CFAP52: variants seen among roughly 807,000 people sequenced by gnomAD.
The protein encoded by CFAP52 is cilia- and flagella-associated protein 52.
In CFAP52, 57 loss-of-function variants were observed where a neutral mutation model predicts 70.5. The ratio of observed to expected loss-of-function variants is 0.81; its 90% CI spans 0.65 to 1.01. The LOEUF (loss-of-function observed/expected upper bound fraction) is 1.01, where lower values mean the gene tolerates loss of function less well. Ranked by LOEUF, CFAP52 falls within the 50% of genes least tolerant of loss-of-function variation. The pLI, the probability that CFAP52 is intolerant of heterozygous loss-of-function variation, is 0.00. For synonymous variants in CFAP52, 267 were observed against 292.5 expected, an observed-to-expected ratio of 0.91 and a Z score of 0.89; for missense variants, 785 against 788.5, an observed-to-expected ratio of 1.00 and a Z score of 0.05.
rs187885192 is a variant in CFAP52 at position 9,625,181 on chromosome 17, A to G, written c.1026-3491A>G. Among the ~76,000 whole-genome samples, 38 of 151,960 alleles carry G rather than the reference A, an allele frequency of 2.5e-4. No homozygotes were observed. The East Asian group carries it at 6.9e-3, about 28-fold the overall frequency. ...ACCCCATGTAGCTGTCTTTAGCAGT[A>G]GAATCCTTAAAAAAAATCAATTAAA... On this transcript the variant is annotated intron_variant, in intron 8 of 13. Coordinates refer to ENST00000352665, the MANE Select transcript of CFAP52 (RefSeq NM_145054.5).
chr17:9,624,246 G>A (rs1432733482), intron 8 of CFAP52, among the ~76,000 whole-genome samples: 5 of 151,982 alleles, frequency 3.3e-5, no homozygotes, highest in South Asian at 2.1e-4. Flanking sequence ...TTCAGCCCTT[G>A]TTCCTTAAGA....
At chr17:9,644,563 T>G (rs1461693971), downstream of CFAP52, 1 of 131,576 alleles carries the variant, frequency 7.6e-6, no homozygotes, top group African/African-American at 3.0e-5. Flanking sequence ...ATTATAAACC[T>G]GACAGTTGCA....
At chr17:9,634,884 A>C (rs1280539173) in intron 10 of CFAP52, among the ~76,000 whole-genome samples, 1 of 152,146 alleles carries the variant, frequency 6.6e-6, no homozygotes, top group Non-Finnish European at 1.5e-5. Context: ...TATGAATTTC[A>C]CTCCAGGATA....
intron 12 of CFAP52, chr17:9,639,235 G>C (rs1350122436): frequency 6.5e-6 from 1 of 152,704 alleles, no homozygotes; most frequent in Non-Finnish European, 1.5e-5. Context: ...TTCGAGACCA[G>C]CCTAGCCAAC....
Position 9,631,052 on chromosome 17 carries a change from GAGAA to G in CFAP52, c.1175-1808_1175-1805del, listed in dbSNP as rs1555544295. Among the ~76,000 whole-genome samples, 54 of 37,956 alleles carry G rather than the reference GAGAA, an allele frequency of 1.4e-3. 3 individuals carry two copies. In the South Asian group the frequency reaches 0.036, roughly 25 times the overall value. The allele number at this position is 37,956 out of a possible 152,430, so 24.9% of individuals were successfully genotyped here. ...AAAGAGAGAGAGAGAGAGAGAGAGA[GAGAA>G]AGAAAGAAAGAAAGAAAGAAAGAAA... On this transcript the variant is annotated intron_variant, in intron 9 of 13. Coordinates refer to ENST00000352665, the MANE Select transcript of CFAP52 (RefSeq NM_145054.5).
At chr17:9,581,042 C>T (rs1050128226) in intron 1 of CFAP52, among the ~76,000 whole-genome samples, 4 of 152,084 alleles carry the variant, frequency 2.6e-5, no homozygotes, top group Admixed American at 6.5e-5. Context: ...CGTGGCCAGG[C>T]GTGGTGGCTC....
chr17:9,595,039 C>T (rs1004520219), intron 4 of CFAP52, among the ~76,000 whole-genome samples: 11 of 151,808 alleles, frequency 7.2e-5, no homozygotes, highest in African/African-American at 2.4e-4. Context: ...TACAGGTGCC[C>T]GCCAACACAC....
At chr17:9,603,444 C>T (rs1383770099) in intron 6 of CFAP52, among the ~76,000 whole-genome samples, 5 of 152,126 alleles carry the variant, frequency 3.3e-5, no homozygotes, top group African/African-American at 9.7e-5. Context: ...CTCCTGACCC[C>T]GTGATCCACC....
chr17:9,640,355 T>C (rs1461832552), intron 12 of CFAP52, among the ~76,000 whole-genome samples: 1 of 151,834 alleles, frequency 6.6e-6, no homozygotes, highest in Admixed American at 6.6e-5. Flanking sequence ...TATTAAGCCC[T>C]GCATGCATTA....
intron 9 of CFAP52, among the ~76,000 whole-genome samples, chr17:9,629,604 A>G (rs1910379157): frequency 7.0e-6 from 1 of 143,010 alleles, no homozygotes; most frequent in Non-Finnish European, 1.5e-5. Context: ...CTGGAGTGCA[A>G]TGGCGCGATC....
At chr17:9,633,077 CA>C in intron 10 of CFAP52, 44 bp downstream of exon 10, 1 of 1,593,960 alleles carries the variant, frequency 6.3e-7, no homozygotes, top group East Asian at 2.2e-5. Flanking sequence ...CTGTTTAGAA[CA>C]ACTGCCCTAT....
chr17:9,633,272 T>C (rs1030983524), intron 10 of CFAP52, among the ~76,000 whole-genome samples: 3 of 152,222 alleles, frequency 2.0e-5, no homozygotes, highest in Non-Finnish European at 4.4e-5. Context: ...TGGCTCAATC[T>C]TGGCTCGTTA....
chr17:9,611,780 G>GT (rs1359864782), intron 7 of CFAP52, among the ~76,000 whole-genome samples: 7 of 152,154 alleles, frequency 4.6e-5, no homozygotes, highest in Admixed American at 2.0e-4. Flanking sequence ...ACATATACAC[G>GT]TACTACATAA....
At chr17:9,625,660 G>A (rs958150893) in intron 8 of CFAP52, among the ~76,000 whole-genome samples, 2 of 152,182 alleles carry the variant, frequency 1.3e-5, no homozygotes, top group Non-Finnish European at 2.9e-5. Context: ...TCCCACATGT[G>A]AGAAAGCCAC....
chr17:9,616,576 C>T (rs1400011189), intron 8 of CFAP52, among the ~76,000 whole-genome samples: 1 of 148,370 alleles, frequency 6.7e-6, no homozygotes, highest in Non-Finnish European at 1.5e-5. Context: ...ACAGCAGTAA[C>T]CTCTGCAGAC....
rs375859241 is a variant in CFAP52, at chr17:9,623,044, A to G, written c.1026-5628A>G. On this transcript the variant is annotated intron_variant, in intron 8 of 13. Transcript: ENST00000352665. ...CTTGTATTATCATTTACTGAGAAAA[A>G]TGTTAAGGTCTCAGGCAATGAATGT... 3.3e-5 allele frequency among the ~76,000 whole-genome samples: 5 copies of G among 152,258 alleles called. No individual in the cohort carries two copies. In the East Asian group the frequency reaches 7.7e-4, roughly 24 times the overall value.
chr17:9,602,408 AATG>A (rs1358543359), intron 6 of CFAP52, among the ~76,000 whole-genome samples: 2 of 152,076 alleles, frequency 1.3e-5, no homozygotes, highest in African/African-American at 4.8e-5. Flanking sequence ...GTTTGCTGAG[AATG>A]ATGGTTTCCA....
intron 8 of CFAP52, among the ~76,000 whole-genome samples, chr17:9,625,902 T>C (rs1487219995): frequency 1.3e-5 from 2 of 152,240 alleles, no homozygotes; most frequent in Non-Finnish European, 2.9e-5. Context: ...TCTCTACAGC[T>C]CTTATCTGGC....
intron 3 of CFAP52, among the ~76,000 whole-genome samples, chr17:9,593,869 G>A (rs978544466): frequency 1.2e-4 from 18 of 152,024 alleles, no homozygotes; most frequent in African/African-American, 4.3e-4. Context: ...GGAGGCCGAG[G>A]CAGGAGAATC....
Sources: gnomAD v4.1 joint callset for allele counts (sites outside exome capture counted in the v4.1 genomes callset) on GRCh38, gnomAD v4.1.1 for gene constraint, MANE v1.5 for transcripts, NCBI Gene and HGNC (gene_info 2026-07-23, HGNC 2026-07-21) for gene names.